Variants in PAM observed in about 807,000 individuals in gnomAD.
PAM encodes peptidylglycine alpha-amidating monooxygenase.
A neutral mutation model predicts 122.1 loss-of-function variants in PAM; 72 were observed. The observed-to-expected ratio is 0.59, with a 90% CI of 0.49 to 0.72. PAM has a LOEUF of 0.72. Ranked by LOEUF, PAM falls within the 30% of genes least tolerant of loss-of-function variation. PAM has a pLI of 0.00. For missense variants in PAM, 1,106 were observed against 1,183.7 expected (o/e 0.93, Z 0.96); for synonymous variants, 389 against 404.4 (o/e 0.96, Z 0.46).
rs112042635 is a variant in PAM, at chr5:102,756,552, T to C, written c.-374+1204T>C. On this transcript the variant is annotated intron_variant, in intron 1 of 25. Transcript: ENST00000438793. ...GAAGGATACTTTCATTTTAGTAAAA[T>C]CAGACATTTAGCTCAAATAACATGT... 1.2e-3 allele frequency among the ~76,000 whole-genome samples: 177 copies of C among 152,342 alleles called. 1 individual carries two copies. The highest frequency in any genetic ancestry group is 1.7e-3 in the Non-Finnish European group (116 of 68,032).
chr5:102,817,815 T>C (rs577992369), intron 1 of PAM, among the ~76,000 whole-genome samples: 10 of 152,092 alleles, frequency 6.6e-5, no homozygotes, highest in Admixed American at 6.6e-5. Flanking sequence ...TCAGAAGCCA[T>C]GTCTTAGAAA....
intron 15 of PAM, chr5:102,974,638 T>C (rs1434727884): frequency 1.2e-5 from 5 of 431,976 alleles, no homozygotes; most frequent in East Asian, 1.0e-4. Flanking sequence ...TATTACTGCA[T>C]AAATTTAGTG....
chr5:102,776,784 A>G (rs960615776), intron 1 of PAM, among the ~76,000 whole-genome samples: 5 of 152,136 alleles, frequency 3.3e-5, no homozygotes, highest in African/African-American at 1.2e-4. Context: ...CTGGCCAACA[A>G]TATGTATTTC....
intron 12 of PAM, among the ~76,000 whole-genome samples, chr5:102,953,452 G>C (rs144225913): frequency 2.6e-4 from 40 of 152,210 alleles, no homozygotes; most frequent in Admixed American, 1.8e-3. Context: ...AAATAAGCCA[G>C]GCACAGATAT....
intron 1 of PAM, among the ~76,000 whole-genome samples, chr5:102,842,605 C>T (rs547934306): frequency 7.2e-5 from 11 of 152,222 alleles, no homozygotes; most frequent in South Asian, 4.1e-4. Context: ...TTAACACCAG[C>T]GTGAGAATAG....
At chr5:102,838,120 CTT>C (rs1430698934) in intron 1 of PAM, 1 of 152,102 alleles carries the variant, frequency 6.6e-6, no homozygotes, top group African/African-American at 2.4e-5. Flanking sequence ...GCCATTTTCT[CTT>C]TGTTAATTTT....
Position 102,816,857 on chromosome 5 carries a change from A to G in PAM, c.-373-48966A>G, listed in dbSNP as rs530767411. 2.6e-5 allele frequency among the ~76,000 whole-genome samples: 4 copies of G among 152,180 alleles called. No homozygotes were observed. In the South Asian group the frequency reaches 6.2e-4, roughly 24 times the overall value. Reference sequence around the variant, plus strand: ...ATATGCTGACAGTTTTTAAATTCATATTGCTGATTTGAACCTCTCTCATGA... The same window carrying G: ...ATATGCTGACAGTTTTTAAATTCATGTTGCTGATTTGAACCTCTCTCATGA... On this transcript the variant is annotated intron_variant, in intron 1 of 25. Transcript: ENST00000438793.
At chr5:102,884,913 A>G (rs1254603857) in intron 3 of PAM, among the ~76,000 whole-genome samples, 1 of 151,886 alleles carries the variant, frequency 6.6e-6, no homozygotes, top group Non-Finnish European at 1.5e-5. Flanking sequence ...ATTTCTTTGT[A>G]CAATGTGTCA....
intron 3 of PAM, among the ~76,000 whole-genome samples, chr5:102,899,504 A>G (rs1270890172): frequency 6.6e-6 from 1 of 151,732 alleles, no homozygotes; most frequent in African/African-American, 2.4e-5. Context: ...TTTCCTTTTC[A>G]TCATAACCTT....
intron 1 of PAM, among the ~76,000 whole-genome samples, chr5:102,761,974 A>C (rs1752487027): frequency 6.6e-6 from 1 of 152,226 alleles, no homozygotes; most frequent in African/African-American, 2.4e-5. Context: ...ATATGCTATT[A>C]GGGTTTGTAT....
chr5:102,949,605 A>G lies in PAM; in HGVS notation c.712A>G (p.Thr238Ala), dbSNP rs1468098645. 2 of 1,434,358 alleles carry G rather than the reference A, an allele frequency of 1.4e-6. No individual in the cohort carries two copies. Among genetic ancestry groups the G allele is most frequent in the South Asian group, 2.3e-5 (2 of 87,288 alleles). The allele number at this position is 1,434,358 out of a possible 1,614,324, so 88.9% of individuals were successfully genotyped here. A position where few individuals can be genotyped will look rare whatever the true frequency, so the allele number is the denominator to read the frequency against. Reference protein sequence around the residue: ...PMHVFAYRVHTHHLGKVVSGY... With the variant: ...PMHVFAYRVHAHHLGKVVSGY... ...GCATGTCTTTGCCTATAGAGTTCAC[A>G]CTCACCATTTAGGTAAGAACTTTAC... The change falls in exon 10 of 26, where the codon ACT becomes GCT. Residue 238 changes from threonine to alanine, a missense_variant. Physicochemically the swap from Thr to Ala is moderately conservative, Grantham distance 58. Transcript: ENST00000438793.
chr5:102,878,228 A>G (rs927368417), intron 3 of PAM, among the ~76,000 whole-genome samples: 1 of 152,164 alleles, frequency 6.6e-6, no homozygotes, highest in Non-Finnish European at 1.5e-5. Flanking sequence ...CATGTTCTTC[A>G]TAATGATGTT....
intron 1 of PAM, among the ~76,000 whole-genome samples, chr5:102,819,064 CAG>C (rs1440044393): frequency 6.6e-6 from 1 of 152,180 alleles, no homozygotes; most frequent in African/African-American, 2.4e-5. Context: ...GGATACAAAA[CAG>C]AAAGACAGAC....
At chr5:102,909,553 G>A (rs772859000) in intron 4 of PAM, among the ~76,000 whole-genome samples, 11 of 151,778 alleles carry the variant, frequency 7.2e-5, no homozygotes, top group South Asian at 2.1e-4. Context: ...CTGGTAATTC[G>A]CCCGTGAAAC....
At chr5:102,872,354 T>C (rs1787803806) in intron 3 of PAM, among the ~76,000 whole-genome samples, 1 of 152,178 alleles carries the variant, frequency 6.6e-6, no homozygotes, top group Non-Finnish European at 1.5e-5. Context: ...TTTTAAAATA[T>C]TGATGAAAGA....
At chr5:102,928,672 C>T (rs982048305) in intron 7 of PAM, among the ~76,000 whole-genome samples, 8 of 151,876 alleles carry the variant, frequency 5.3e-5, no homozygotes, top group African/African-American at 1.5e-4. Context: ...AATGAGATAT[C>T]GTTTTATATT....
chr5:102,960,014 A>G lies in PAM; in HGVS notation c.1045A>G (p.Ile349Val), dbSNP rs1353059982. The G allele has an allele frequency of 1.9e-6, 3 of 1,611,840 alleles. No individual in the cohort carries two copies. The highest frequency in any genetic ancestry group is 1.3e-5 in the African/African-American group (1 of 74,960). ...CATACCACCAGAGGCCAACATTCCA[A>G]TTCCCGTGAAGTCTGATATGGTTAT... The part of the protein sequence containing the change: ...RTIPPEANIP[I>V]PVKSDMVMMH... The change falls in exon 13 of 26, where the codon ATT becomes GTT. Residue 349 changes from isoleucine (I) to valine (V), a missense_variant. Around this residue, in one of 3 missense-constraint regions of PAM, gnomAD observed 670 missense variants for 690.3 expected, o/e 0.97. Coordinates refer to ENST00000438793, the MANE Select transcript of PAM (RefSeq NM_001177306.2).
intron 3 of PAM, among the ~76,000 whole-genome samples, chr5:102,893,146 G>A (rs1795229235): frequency 6.6e-6 from 1 of 151,626 alleles, no homozygotes; most frequent in South Asian, 2.1e-4. Flanking sequence ...ACAGTATTTG[G>A]TTGATGGAAA....
intron 1 of PAM, among the ~76,000 whole-genome samples, chr5:102,859,084 C>T (rs187922661): frequency 2.6e-5 from 4 of 152,196 alleles, no homozygotes; most frequent in East Asian, 3.9e-4. Flanking sequence ...AGATAATAAA[C>T]GACTGTGTTA....
Sources: allele counts gnomAD v4.1 joint callset (sites outside exome capture counted in the v4.1 genomes callset), GRCh38; gene constraint gnomAD v4.1.1; regional missense constraint gnomAD v4.1.1; transcripts MANE v1.5; gene names NCBI Gene and HGNC (gene_info 2026-07-23, HGNC 2026-07-21).